COQ7: variants seen among roughly 807,000 people sequenced by gnomAD.
COQ7 encodes the protein coenzyme Q7, hydroxylase, also known as NADPH-dependent 3-demethoxyubiquinone 3-hydroxylase, mitochondrial.
COQ7 carries 21 observed loss-of-function variants against 25.0 expected under a neutral mutation model. The ratio of observed to expected loss-of-function variants is 0.84; its 90% confidence interval spans 0.60 to 1.21. The LOEUF (loss-of-function observed/expected upper bound fraction) is 1.21, where lower values mean the gene tolerates loss of function less well. Ranked by LOEUF, COQ7 falls within the 50% of genes most tolerant of loss-of-function variation. COQ7 has a pLI of 0.00. For missense variants in COQ7, 311 were observed against 296.2 expected (o/e 1.05, Z -0.37); for synonymous variants, 125 against 112.4 (o/e 1.11, Z -0.71).
At position 19,077,305 on chromosome 16, in the gene COQ7, G is replaced by A. The variant is rs1962898471; in HGVS notation, c.508-1G>A. On this transcript the variant is annotated splice_acceptor_variant, in intron 4 of 5. Coordinates refer to ENST00000321998, the MANE Select transcript of COQ7 (RefSeq NM_016138.5). LOFTEE classifies it high-confidence loss of function. ...GCTTTGGTGTCTTTTTATTTAACCA[G>A]CTGATAAAGAAATTTCGGGATGAAG... The A allele has an allele frequency of 6.2e-7, 1 of 1,613,806 alleles. No individual in the cohort carries two copies. Among genetic ancestry groups the A allele is most frequent in the Non-Finnish European group, 8.5e-7 (1 of 1,179,840 alleles).
chr16:19,075,966 T>A, intron 4 of COQ7, 106 bp downstream of exon 4: 2 of 1,463,614 alleles, frequency 1.4e-6, no homozygotes, highest in South Asian at 2.5e-5. Flanking sequence ...GATGGGGGTT[T>A]AGAGGCTCAG....
intron 1 of COQ7, among the ~76,000 whole-genome samples, chr16:19,069,811 TCTCA>T (rs1325992249): frequency 6.6e-6 from 1 of 151,752 alleles, no homozygotes; most frequent in Non-Finnish European, 1.5e-5. Context: ...TGAGACAGAG[TCTCA>T]CTCTGTCACC....
chr16:19,078,288 GTTTTTT>G lies in COQ7; in HGVS notation c.*138_*143del. On this transcript the variant is annotated 3_prime_UTR_variant, in exon 6 of 6. Transcript: ENST00000321998. ...ATTTTGTTAATAAATTATAAGGTTT[GTTTTTT>G]TTTTTTTAAACTCTGCAGTGTTGAT... 1 of 515,492 alleles carries G rather than the reference GTTTTTT, an allele frequency of 1.9e-6. No homozygotes were observed. The allele number at this position is 515,492 out of a possible 1,614,324, so 31.9% of individuals were successfully genotyped here.
At chr16:19,080,125 G>A (rs1270265126), downstream of COQ7, 8 of 152,204 alleles carry the variant, frequency 5.3e-5, 1 homozygote, top group Admixed American at 4.6e-4. Flanking sequence ...ACAAGAATTT[G>A]TAAAGGGTTA....
chr16:19,078,757 T>C lies in COQ7; in HGVS notation c.*599T>C, dbSNP rs1028117933. ...GTGAGCCACTTCACCAGGCCCATTT[T>C]CTCCTAAAACTTCAAGGACAAATCA... On this transcript the variant is annotated 3_prime_UTR_variant, in exon 6 of 6. Transcript: ENST00000321998. 6.6e-6 allele frequency: 1 copy of C among 152,130 alleles called. No individual in the cohort carries two copies. Among genetic ancestry groups the C allele is most frequent in the Non-Finnish European group, 1.5e-5 (1 of 68,042 alleles). The allele number at this position is 152,130 out of a possible 1,614,324, so 9.4% of individuals were successfully genotyped here.
At chr16:19,081,279 A>G (rs139847563), downstream of COQ7, among the ~76,000 whole-genome samples, 1 of 152,336 alleles carries the variant, frequency 6.6e-6, no homozygotes, top group African/African-American at 2.4e-5. Context: ...CATAAGTGCA[A>G]CAAGAATCCA....
chr16:19,071,820 T>G (rs948367410), intron 1 of COQ7, 108 bp from the exon 2 acceptor site: 8 of 1,229,226 alleles, frequency 6.5e-6, no homozygotes, highest in Non-Finnish European at 9.4e-6. Flanking sequence ...GCCTGGCCCA[T>G]GGGGAACTGA....
At chr16:19,081,954 G>C (rs766374175), downstream of COQ7, among the ~76,000 whole-genome samples, 20 of 152,106 alleles carry the variant, frequency 1.3e-4, no homozygotes, top group Non-Finnish European at 2.6e-4. Flanking sequence ...AGAGGAGGCG[G>C]AGGTTGCCGT....
rs1963010324 is a variant in COQ7 at position 19,079,091 on chromosome 16, T to C, written c.*933T>C. The C allele has an allele frequency of 6.6e-6, 1 of 152,162 alleles. No individual in the cohort carries two copies. The highest frequency in any genetic ancestry group is 2.4e-5 in the African/African-American group (1 of 41,448). 9.4% of individuals were successfully genotyped at this position (152,162 alleles called of 1,614,324 possible). ...CCTCATGAATGGGATCAGTGCCTTA[T>C]GAAAGGCCCTAGAGAGATACCTCAT... On this transcript the variant is annotated 3_prime_UTR_variant, in exon 6 of 6. Coordinates refer to ENST00000321998, the MANE Select transcript of COQ7 (RefSeq NM_016138.5).
At chr16:19,068,960 A>C (rs1278749397) in intron 1 of COQ7, 1 of 419,168 alleles carries the variant, frequency 2.4e-6, no homozygotes. Context: ...ACAAAGGGGA[A>C]ATTAGCAAGT....
At chr16:19,067,877 G>A in intron 1 of COQ7, 140 bp downstream of exon 1, 1 of 1,495,844 alleles carries the variant, frequency 6.7e-7, no homozygotes, top group Non-Finnish European at 8.8e-7. Flanking sequence ...GCGTGACTTC[G>A]GCCTCCGGGG....
intron 3 of COQ7, among the ~76,000 whole-genome samples, chr16:19,075,475 C>T (rs1962785901): frequency 6.6e-6 from 1 of 152,072 alleles, no homozygotes; most frequent in Non-Finnish European, 1.5e-5. Flanking sequence ...GGACTATAGG[C>T]GTGATCCATT....
chr16:19,071,123 C>G (rs901728843), intron 1 of COQ7, among the ~76,000 whole-genome samples: 1 of 147,238 alleles, frequency 6.8e-6, no homozygotes, highest in African/African-American at 2.5e-5. Flanking sequence ...ATTTTTTTTT[C>G]TGTTTTTGTT....
rs758307663 is a variant in COQ7, at chr16:19,075,777, G to GA, written c.426dup (p.Glu143ArgfsTer20). The GA allele has an allele frequency of 2.4e-5, 39 of 1,611,910 alleles. No individual in the cohort carries two copies. On this transcript the variant is annotated frameshift_variant, in exon 4 of 6. Coordinates refer to ENST00000321998, the MANE Select transcript of COQ7 (RefSeq NM_016138.5). LOFTEE classifies it high-confidence loss of function. ...TGCCATGGCCTGCACCGTGGCGGTGGAAGAGAGCATAGCACATCACTACAA... is the reference window on the plus strand; with the variant it reads ...TGCCATGGCCTGCACCGTGGCGGTGGAAAGAGAGCATAGCACATCACTACAA...
intron 1 of COQ7, among the ~76,000 whole-genome samples, chr16:19,071,579 T>C (rs1248403936): frequency 6.6e-6 from 1 of 152,172 alleles, no homozygotes; most frequent in Non-Finnish European, 1.5e-5. Flanking sequence ...TTTTGAAAGC[T>C]CTGTATGGGC....
At chr16:19,068,766 G>T in intron 1 of COQ7, 1 of 347,226 alleles carries the variant, frequency 2.9e-6, no homozygotes, top group Non-Finnish European at 5.8e-6. Context: ...TTGAACTTTT[G>T]ATTACTAGAT....
chr16:19,073,855 G>C (rs543468084), intron 2 of COQ7, 66 bp from the exon 3 acceptor site: 1 of 1,187,748 alleles, frequency 8.4e-7, no homozygotes, highest in African/African-American at 1.5e-5. Context: ...CTCCCTGTAT[G>C]CCGCTTGGAT....
chr16:19,082,682 G>A (rs577429095), downstream of COQ7, among the ~76,000 whole-genome samples: 8 of 151,728 alleles, frequency 5.3e-5, no homozygotes, highest in Admixed American at 1.3e-4. Context: ...CAGGAGAATC[G>A]CTTGAACCCA....
chr16:19,071,817 C>A, intron 1 of COQ7, 111 bp from the exon 2 acceptor site: 1 of 1,184,996 alleles, frequency 8.4e-7, no homozygotes, highest in Non-Finnish European at 1.2e-6. Context: ...CACGCCTGGC[C>A]CATGGGGAAC....
Sources: gnomAD v4.1 joint callset for allele counts (sites outside exome capture counted in the v4.1 genomes callset) on GRCh38, gnomAD v4.1.1 for gene constraint, MANE v1.5 for transcripts, NCBI Gene and HGNC (gene_info 2026-07-23, HGNC 2026-07-21) for gene names.